DMXL2: variants seen among roughly 807,000 people sequenced by gnomAD.
The protein encoded by DMXL2 is dmX-like protein 2.
Under a neutral mutation model 331.1 loss-of-function variants are expected in DMXL2, and 103 were observed. The ratio of observed to expected loss-of-function variants is 0.31; its 90% CI spans 0.27 to 0.37. The LOEUF (loss-of-function observed/expected upper bound fraction) is 0.37. DMXL2 is among the 10% of genes least tolerant of loss of function. DMXL2 has a pLI of 1.00. For synonymous variants in DMXL2, 1,281 were observed against 1,252.1 expected (o/e 1.02, Z -0.49); for missense variants, 3,171 against 3,642.9 (o/e 0.87, Z 3.33).
At chr15:51,568,614 T>G in intron 2 of DMXL2, 56 bp from the exon 3 acceptor site, 1 of 1,100,430 alleles carries the variant, frequency 9.1e-7, no homozygotes, top group Non-Finnish European at 1.3e-6. Context: ...TAAAGATATC[T>G]TCCTTTTCAT....
chr15:51,588,013 GTTGT>G lies in DMXL2; in HGVS notation c.88-11836_88-11833del, dbSNP rs537066099. Among the ~76,000 whole-genome samples, 558 of 152,194 alleles carry G rather than the reference GTTGT, an allele frequency of 3.7e-3. 2 individuals carry two copies. Among genetic ancestry groups the G allele is most frequent in the Non-Finnish European group, 5.3e-3 (358 of 67,996 alleles). Reference sequence around the variant, plus strand: ...TATCCTTTGCCCACTTTTTGATGGGGTTGTTTGTTTTTTTCTTGTAAATTTGTTT... The same window carrying G: ...TATCCTTTGCCCACTTTTTGATGGGGTTGTTTTTTTCTTGTAAATTTGTTT... On this transcript the variant is annotated intron_variant, in intron 1 of 43. Transcript: ENST00000560891.
chr15:51,531,117 T>C (rs1229607381), intron 13 of DMXL2, among the ~76,000 whole-genome samples: 1 of 152,090 alleles, frequency 6.6e-6, no homozygotes, highest in Non-Finnish European at 1.5e-5. Flanking sequence ...AATCATATTA[T>C]CTGACTTCAA....
At chr15:51,500,358 G>T in intron 17 of DMXL2, 127 bp from the exon 18 acceptor site, 1 of 983,442 alleles carries the variant, frequency 1.0e-6, no homozygotes, top group Non-Finnish European at 1.5e-6. Context: ...TATCTCTGCA[G>T]TCTTCCTCTT....
At chr15:51,563,223 C>T (rs570680179) in intron 6 of DMXL2, among the ~76,000 whole-genome samples, 158 bp downstream of exon 6, 4 of 152,224 alleles carry the variant, frequency 2.6e-5, no homozygotes, top group African/African-American at 9.6e-5. Flanking sequence ...GAGCAAAATA[C>T]CAGGTCTTTT....
intron 1 of DMXL2, among the ~76,000 whole-genome samples, chr15:51,601,079 C>G (rs1353471393): frequency 6.6e-6 from 1 of 152,012 alleles, no homozygotes; most frequent in Non-Finnish European, 1.5e-5. Context: ...ATCACAAGGT[C>G]AGGATATTGA....
intron 4 of DMXL2, 133 bp downstream of exon 4, chr15:51,564,955 A>G (rs987159301): frequency 3.7e-6 from 2 of 545,598 alleles, no homozygotes; most frequent in African/African-American, 4.0e-5. Context: ...AAGAAGGAAA[A>G]ATTATATTCA....
At chr15:51,526,623 T>C (rs1313262918) in intron 13 of DMXL2, among the ~76,000 whole-genome samples, 2 of 152,206 alleles carry the variant, frequency 1.3e-5, no homozygotes, top group Non-Finnish European at 2.9e-5. Context: ...TCAAAATAGC[T>C]GTTTTGAGGA....
At chr15:51,486,674 T>C (rs1244751886) in intron 22 of DMXL2, among the ~76,000 whole-genome samples, 1 of 152,198 alleles carries the variant, frequency 6.6e-6, no homozygotes, top group African/African-American at 2.4e-5. Flanking sequence ...TTCCTCTTAA[T>C]TTCCAAACAT....
chr15:51,541,721 T>G (rs2048607702), intron 9 of DMXL2, among the ~76,000 whole-genome samples: 1 of 152,200 alleles, frequency 6.6e-6, no homozygotes, highest in African/African-American at 2.4e-5. Context: ...ATATAAAATT[T>G]ATAGCCTTTC....
intron 37 of DMXL2, 165 bp downstream of exon 37, chr15:51,457,163 C>T (rs565773875): frequency 2.3e-5 from 18 of 775,246 alleles, no homozygotes; most frequent in Admixed American, 2.2e-4. Flanking sequence ...CAGAGCCAGA[C>T]CCTGTCACCA....
chr15:51,590,855 A>G (rs949663207), intron 1 of DMXL2, among the ~76,000 whole-genome samples: 4 of 152,098 alleles, frequency 2.6e-5, no homozygotes, highest in Non-Finnish European at 2.9e-5. Context: ...TTGCTAGGAC[A>G]GGAGGAGAGA....
In DMXL2 at chr15:51,500,264, A is replaced by G. The variant is rs1338501256; in HGVS notation, c.2993-33T>C. The G allele has an allele frequency of 2.0e-6, 3 of 1,538,182 alleles. No homozygotes were observed. The South Asian group carries it at 3.9e-5, about 20-fold the overall frequency. Reference sequence around the variant, plus strand: ...AAGAAAAAGCAAATAGTTAGTTGTAATAATAATAAAGCCACAAAATAATAT... The same window carrying G: ...AAGAAAAAGCAAATAGTTAGTTGTAGTAATAATAAAGCCACAAAATAATAT... On this transcript the variant is annotated intron_variant, in intron 17 of 43. Coordinates refer to ENST00000560891, the MANE Select transcript of DMXL2 (RefSeq NM_001378457.1).
At chr15:51,564,382 C>T (rs182492661) in intron 4 of DMXL2, 122 bp from the exon 5 acceptor site, 10 of 637,136 alleles carry the variant, frequency 1.6e-5, no homozygotes, top group Admixed American at 1.3e-4. Context: ...ATATCGCCAA[C>T]GAAAAACACT....
Position 51,538,389 on chromosome 15 carries a change from A to G in DMXL2, c.1169T>C (p.Val390Ala). ...AAATTCCTTGTTGTTTAACCAATGAACTACAAAGCCCCCATTTCCATCATC... is the reference window on the plus strand; with the variant it reads ...AAATTCCTTGTTGTTTAACCAATGAGCTACAAAGCCCCCATTTCCATCATC... ...NVDDGNGGFV[V>A]HWLNNKEFHF... Residue 390 changes from valine to alanine, a missense_variant, in exon 10 of 44, where the codon GTT (valine) becomes GCT (alanine). Physicochemically the swap from Val to Ala is moderately conservative, Grantham distance 64. Transcript: ENST00000560891. 1 of 1,613,236 alleles carries G rather than the reference A, an allele frequency of 6.2e-7. No homozygotes were observed. The highest frequency in any genetic ancestry group is 8.5e-7 in the Non-Finnish European group (1 of 1,179,280).
At chr15:51,541,402 T>C (rs1447455614) in intron 9 of DMXL2, among the ~76,000 whole-genome samples, 1 of 152,134 alleles carries the variant, frequency 6.6e-6, no homozygotes, top group Non-Finnish European at 1.5e-5. Context: ...TTATGAAATA[T>C]TTTTCATTAT....
At chr15:51,502,215 AGAGT>A (rs993549190) in intron 17 of DMXL2, among the ~76,000 whole-genome samples, 10 of 148,434 alleles carry the variant, frequency 6.7e-5, no homozygotes, top group Non-Finnish European at 1.0e-4. Flanking sequence ...CCTGGGCGAC[AGAGT>A]GAGACTCCGT....
chr15:51,578,965 C>T (rs2051228359), intron 1 of DMXL2, among the ~76,000 whole-genome samples: 1 of 152,084 alleles, frequency 6.6e-6, no homozygotes, highest in Admixed American at 6.6e-5. Context: ...ATTAGTTGAG[C>T]GTGGTGTCAC....
intron 23 of DMXL2, among the ~76,000 whole-genome samples, chr15:51,482,881 G>T (rs1190143775): frequency 3.9e-5 from 6 of 152,204 alleles, no homozygotes; most frequent in Non-Finnish European, 8.8e-5. Context: ...AAACAGCTAA[G>T]ATTTGACTGG....
chr15:51,489,858 T>C (rs985158357), intron 20 of DMXL2, among the ~76,000 whole-genome samples: 4 of 152,186 alleles, frequency 2.6e-5, no homozygotes, highest in African/African-American at 9.7e-5. Flanking sequence ...AATGTACATA[T>C]CCCTTTGATT....
Sources: allele counts gnomAD v4.1 joint callset (sites outside exome capture counted in the v4.1 genomes callset), GRCh38; gene constraint gnomAD v4.1.1; transcripts MANE v1.5; gene names NCBI Gene and HGNC (gene_info 2026-07-23, HGNC 2026-07-21).